The following RFX6 variants were observed in gnomAD, a reference collection of about 807,000 sequenced individuals.
RFX6 encodes regulatory factor X6.
In RFX6, 50 loss-of-function variants were observed where a neutral mutation model predicts 110.8. The ratio of observed to expected loss-of-function variants is 0.45; its 90% confidence interval spans 0.36 to 0.57. RFX6 has a LOEUF of 0.57. Among genes scored for constraint, RFX6 ranks in the 20% least tolerant of loss-of-function variants. The pLI is 0.00. For synonymous variants in RFX6, 383 were observed against 411.2 expected (o/e 0.93, Z 0.83); for missense variants, 990 against 1,127.0 (o/e 0.88, Z 1.74).
chr6:116,921,349 A>G (rs1265624171), intron 12 of RFX6, among the ~76,000 whole-genome samples: 2 of 152,202 alleles, frequency 1.3e-5, no homozygotes, highest in Non-Finnish European at 2.9e-5. Context: ...ATTAACTTTT[A>G]CTAAAGATAA....
At chr6:116,882,476 T>C (rs377342632) in intron 4 of RFX6, 48 bp downstream of exon 4, 8 of 1,287,878 alleles carry the variant, frequency 6.2e-6, no homozygotes, top group Non-Finnish European at 9.1e-6. Flanking sequence ...TGCATGAAGA[T>C]TGACACAGAT....
Position 116,927,387 on chromosome 6 carries a change from A to T in RFX6, c.2246A>T (p.Tyr749Phe). The change falls in exon 17 of 19, where the codon TAT (tyrosine) becomes TTT (phenylalanine). Residue 749 changes from tyrosine to phenylalanine, a missense_variant. This residue lies in a region of RFX6 where 438 missense variants were observed against 441.9 expected (regional missense o/e 0.99). Coordinates refer to ENST00000332958, the MANE Select transcript of RFX6 (RefSeq NM_173560.4). The part of the protein sequence containing the change: ...FFSGSCAGSP[Y>F]NSRPPSSYGP... ...AGTGGCAGCTGTGCGGGGTCTCCAT[A>T]TAACTCCCGGCCACCGTCTAGCTAT... 1 of 1,614,080 alleles carries T rather than the reference A, an allele frequency of 6.2e-7. No individual in the cohort carries two copies. Among genetic ancestry groups the T allele is most frequent in the Non-Finnish European group, 8.5e-7 (1 of 1,179,968 alleles).
chr6:116,883,714 A>T (rs540580271), intron 4 of RFX6, among the ~76,000 whole-genome samples: 7 of 152,124 alleles, frequency 4.6e-5, no homozygotes, highest in Non-Finnish European at 8.8e-5. Context: ...CAGTGGCTTT[A>T]TTGCTTTATT....
At position 116,880,415 on chromosome 6, in the gene RFX6, C is replaced by T. The variant is rs187105760; in HGVS notation, c.381-129C>T. The T allele has an allele frequency of 8.1e-4, 626 of 772,478 alleles. 2 individuals are homozygous for T. In the African/African-American group the frequency reaches 9.5e-3, roughly 12 times the overall value. The allele number at this position is 772,478 out of a possible 1,614,324, so 47.9% of individuals were successfully genotyped here. ...ATTTTTAAAAAATATCCAGAATAAA[C>T]GAAGTCTACTTATGTCTACTCATTA... is the stretch of plus-strand genomic sequence containing the variant. On this transcript the variant is annotated intron_variant, in intron 2 of 18. Coordinates refer to ENST00000332958, the MANE Select transcript of RFX6 (RefSeq NM_173560.4).
At chr6:116,918,672 G>A (rs1775526403) in intron 10 of RFX6, among the ~76,000 whole-genome samples, 1 of 151,448 alleles carries the variant, frequency 6.6e-6, no homozygotes, top group Non-Finnish European at 1.5e-5. Flanking sequence ...AGTATTTTGG[G>A]GGTACAAATT....
In RFX6 at chr6:116,877,450, GGC is replaced by G; in HGVS notation, c.177_178del (p.Lys62ArgfsTer20). On this transcript the variant is annotated frameshift_variant, in exon 1 of 19. Transcript: ENST00000332958. LOFTEE classifies it high-confidence loss of function. ...AEGQPGGEQGGGEKGEDPELP... is the reference protein window; with the variant it reads ...AEGQPGGEQGXGEKGEDPELP... ...AGGGCAGCCCGGGGGCGAGCAGGGC[GGC>G]GGGGAGAAAGGCGAAGACCCGGAGC... The G allele has an allele frequency of 6.3e-7, 1 of 1,579,752 alleles. No individual in the cohort carries two copies.
At chr6:116,888,327 T>C (rs339330) in intron 4 of RFX6, among the ~76,000 whole-genome samples, 2 of 152,048 alleles carry the variant, frequency 1.3e-5, no homozygotes, top group African/African-American at 4.8e-5. Context: ...AATTTCATTT[T>C]TCATATTAAA....
At chr6:116,879,098 T>C (rs995267438) in intron 2 of RFX6, among the ~76,000 whole-genome samples, 1 of 151,892 alleles carries the variant, frequency 6.6e-6, no homozygotes, top group Non-Finnish European at 1.5e-5. Context: ...TATTGAGCTG[T>C]TTCGAATGAT....
chr6:116,916,348 T>C (rs1775462952), intron 9 of RFX6, 34 bp downstream of exon 9: 1 of 1,200,676 alleles, frequency 8.3e-7, no homozygotes, highest in Non-Finnish European at 1.2e-6. Flanking sequence ...ACATGAGCCA[T>C]TTATTTCTTT....
chr6:116,896,450 G>T (rs1774945862), intron 6 of RFX6, among the ~76,000 whole-genome samples: 1 of 152,030 alleles, frequency 6.6e-6, no homozygotes, highest in African/African-American at 2.4e-5. Context: ...CTTTCTAAAG[G>T]CTCAGAACTA....
Position 116,931,592 on chromosome 6 carries a change from TA to T in RFX6, c.*89del. 9.8e-7 allele frequency: 1 copy of T among 1,017,880 alleles called. No homozygotes were observed. The allele number at this position is 1,017,880 out of a possible 1,614,324, so 63.1% of individuals were successfully genotyped here. On this transcript the variant is annotated 3_prime_UTR_variant, in exon 19 of 19. Coordinates refer to ENST00000332958, the MANE Select transcript of RFX6 (RefSeq NM_173560.4). Reference sequence around the variant, plus strand: ...TTATTCACTCAGACTTCCATAAGAGTAAATAAAAATGAATATGCAGTGGCTG... The same window carrying T: ...TTATTCACTCAGACTTCCATAAGAGTAATAAAAATGAATATGCAGTGGCTG...
intron 4 of RFX6, among the ~76,000 whole-genome samples, chr6:116,889,531 G>A (rs1268180537): frequency 1.3e-5 from 2 of 152,042 alleles, no homozygotes; most frequent in African/African-American, 4.8e-5. Flanking sequence ...AAAGCTTCAT[G>A]TGTTAAAATA....
Position 116,920,374 on chromosome 6 carries a change from T to C in RFX6, c.1247T>C (p.Val416Ala), listed in dbSNP as rs770252575. The change falls in exon 12 of 19, where the codon GTT becomes GCT. Residue 416 changes from valine (V) to alanine (A), a missense_variant. This residue lies in a region of RFX6 where 243 missense variants were observed against 353.1 expected (regional missense o/e 0.69). Transcript: ENST00000332958. ...VNSMVSDIER[V>A]DLNSIGSQAL... Reference sequence around the variant, plus strand: ...TCTATGGTGTCTGATATTGAAAGGGTTGATTTGAACAGCATTGGCTCTCAA... The same window carrying C: ...TCTATGGTGTCTGATATTGAAAGGGCTGATTTGAACAGCATTGGCTCTCAA... 6 of 1,612,290 alleles carry C rather than the reference T, an allele frequency of 3.7e-6. No homozygotes were observed. The highest frequency in any genetic ancestry group is 5.1e-6 in the Non-Finnish European group (6 of 1,178,354).
In RFX6 at chr6:116,877,434, C is replaced by A; in HGVS notation, c.159C>A (p.Pro53=). 1 of 1,593,498 alleles carries A rather than the reference C, an allele frequency of 6.3e-7. No homozygotes were observed. The highest frequency in any genetic ancestry group is 2.3e-5 in the East Asian group (1 of 43,786). ...ETVYLAAEGQ[P]GGEQGGGEKG... ...TGTACCTGGCGGCCGAAGGGCAGCC[C>A]GGGGGCGAGCAGGGCGGCGGGGAGA... Residue 53 remains proline, a synonymous_variant, in exon 1 of 19, where the codon CCC becomes CCA. Coordinates refer to ENST00000332958, the MANE Select transcript of RFX6 (RefSeq NM_173560.4).
intron 10 of RFX6, 120 bp downstream of exon 10, chr6:116,918,206 T>C (rs189126346): frequency 2.0e-5 from 16 of 795,780 alleles, no homozygotes; most frequent in African/African-American, 5.1e-5. Context: ...TTTCTACTTT[T>C]GTCCCTTTGT....
chr6:116,888,053 A>C (rs1025580812), intron 4 of RFX6, among the ~76,000 whole-genome samples: 1 of 152,204 alleles, frequency 6.6e-6, no homozygotes, highest in Non-Finnish European at 1.5e-5. Flanking sequence ...GGTTAATAAA[A>C]CTGATACGGC....
Position 116,916,095 on chromosome 6 carries a change from A to G in RFX6, c.858+10A>G, listed in dbSNP as rs751971043. On this transcript the variant is annotated intron_variant, in intron 8 of 18. Coordinates refer to ENST00000332958, the MANE Select transcript of RFX6 (RefSeq NM_173560.4). ...TGGAAACTTTGAAGAGGTAAGAATG[A>G]CAAAGAATGCTTTATTTGACCCTAT... The G allele has an allele frequency of 3.1e-6, 5 of 1,592,602 alleles. No homozygotes were observed. In the African/African-American group the frequency reaches 6.7e-5, roughly 21 times the overall value.
At chr6:116,920,527 T>C (rs1363267975) in intron 12 of RFX6, 73 bp downstream of exon 12, 2 of 1,279,426 alleles carry the variant, frequency 1.6e-6, no homozygotes, top group East Asian at 4.6e-5. Context: ...TGGGTAACTC[T>C]GTTGGAGGAG....
At chr6:116,928,586 T>C (rs1775806045) in intron 17 of RFX6, among the ~76,000 whole-genome samples, 173 bp from the exon 18 acceptor site, 1 of 152,192 alleles carries the variant, frequency 6.6e-6, no homozygotes, top group Non-Finnish European at 1.5e-5. Flanking sequence ...AACAGCACAG[T>C]AAACCTTATC....
Sources: gnomAD v4.1 joint callset for allele counts (sites outside exome capture counted in the v4.1 genomes callset) on GRCh38, gnomAD v4.1.1 for gene constraint, gnomAD v4.1.1 regional missense constraint, MANE v1.5 for transcripts, NCBI Gene and HGNC (gene_info 2026-07-23, HGNC 2026-07-21) for gene names.